Variants in EHD3 observed in about 807,000 individuals in gnomAD.
EHD3 encodes EH domain containing 3.
Under a neutral mutation model 43.0 loss-of-function variants are expected in EHD3, and 17 were observed. The observed-to-expected ratio is 0.40, with a 90% CI of 0.27 to 0.59. The LOEUF (loss-of-function observed/expected upper bound fraction) is 0.59. EHD3 is among the 20% of genes least tolerant of loss of function. The pLI is 0.49. For synonymous variants in EHD3, 313 were observed against 289.5 expected, an observed-to-expected ratio of 1.08 and a Z score of -0.82; for missense variants, 594 against 705.6, an observed-to-expected ratio of 0.84 and a Z score of 1.79.
chr2:31,243,452 CTT>C (rs1266371746), intron 1 of EHD3, among the ~76,000 whole-genome samples: 2 of 34,820 alleles, frequency 5.7e-5, no homozygotes, highest in Admixed American at 4.2e-4. Flanking sequence ...TTCTTTCTTT[CTT>C]TCTTTCTTTT....
chr2:31,234,489 G>A lies in EHD3; in HGVS notation c.-133G>A, dbSNP rs1285327709. 1 of 1,008,722 alleles carries A rather than the reference G, an allele frequency of 9.9e-7. No homozygotes were observed. Among genetic ancestry groups the A allele is most frequent in the South Asian group, 1.6e-5 (1 of 62,612 alleles). 62.5% of individuals were successfully genotyped at this position (1,008,722 alleles called of 1,614,324 possible). A position where few individuals can be genotyped will look rare whatever the true frequency, so the allele number is the denominator to read the frequency against. On this transcript the variant is annotated 5_prime_UTR_variant, in exon 1 of 6. An upstream start codon of the reference 5' UTR is lost. Coordinates refer to ENST00000322054, the MANE Select transcript of EHD3 (RefSeq NM_014600.3). ...CCTCCTAGCCGCGTGCCCGGGCCAT[G>A]GTGCGGCTGAGCCCCGCGCTTGGGT...
intron 1 of EHD3, among the ~76,000 whole-genome samples, chr2:31,240,964 A>G (rs934953490): frequency 2.0e-5 from 3 of 152,196 alleles, no homozygotes; most frequent in African/African-American, 4.8e-5. Context: ...GGGTTTCCCA[A>G]TCAGGGTGGA....
chr2:31,253,246 C>CCCCACACA (rs1553403505), intron 3 of EHD3, among the ~76,000 whole-genome samples: 2 of 142,014 alleles, frequency 1.4e-5, no homozygotes, highest in African/African-American at 5.3e-5. Flanking sequence ...CAACCCCCTC[C>CCCCACACA]CACACACACA....
chr2:31,260,517 C>T lies in EHD3; in HGVS notation c.510C>T (p.Asp170=), dbSNP rs1683830666. The T allele has an allele frequency of 4.4e-6, 7 of 1,601,364 alleles. No homozygotes were observed. The highest frequency in any genetic ancestry group is 5.1e-6 in the Non-Finnish European group (6 of 1,171,588). ...GEKQRISRGY[D]FAAVLEWFAE... ...TTGTCCCTCTGCCGGCAGGGTATGA[C>T]TTTGCAGCTGTCCTTGAGTGGTTTG... is the stretch of plus-strand genomic sequence containing the variant. The change falls in exon 4 of 6, where the codon GAC becomes GAT. Residue 170 remains aspartate (D), a synonymous_variant. Coordinates refer to ENST00000322054, the MANE Select transcript of EHD3 (RefSeq NM_014600.3). The surrounding 1 kb of genome is among the most constrained non-coding windows in gnomAD (Gnocchi z 4.6).
At chr2:31,256,821 C>T (rs1300076589) in intron 3 of EHD3, among the ~76,000 whole-genome samples, 1 of 152,226 alleles carries the variant, frequency 6.6e-6, no homozygotes, top group Non-Finnish European at 1.5e-5. Context: ...GGAGGCGTGG[C>T]TACAGTGCAA....
chr2:31,237,063 T>C (rs958259595), intron 1 of EHD3, among the ~76,000 whole-genome samples: 4 of 152,222 alleles, frequency 2.6e-5, no homozygotes, highest in African/African-American at 9.6e-5. Context: ...ATTTAGCTCA[T>C]GCGTCAAAAG....
At chr2:31,261,843 TGG>T in intron 5 of EHD3, 130 bp downstream of exon 5, 2 of 1,005,830 alleles carry the variant, frequency 2.0e-6, no homozygotes, top group Non-Finnish European at 1.3e-6. Context: ...GGCAAGGAGG[TGG>T]CCCTGGATCT....
At chr2:31,243,929 C>A (rs1334375663) in intron 1 of EHD3, among the ~76,000 whole-genome samples, 1 of 152,174 alleles carries the variant, frequency 6.6e-6, no homozygotes, top group Non-Finnish European at 1.5e-5. Flanking sequence ...AGGTTACCTT[C>A]AGTTATGGAG....
intron 3 of EHD3, among the ~76,000 whole-genome samples, chr2:31,258,039 C>T (rs191434234): frequency 1.6e-4 from 24 of 152,264 alleles, no homozygotes; most frequent in East Asian, 7.7e-4. Flanking sequence ...CATAGGTCTA[C>T]GCCACAGGAG....
intron 5 of EHD3, among the ~76,000 whole-genome samples, chr2:31,263,127 T>A (rs963347942): frequency 2.0e-5 from 3 of 152,216 alleles, no homozygotes; most frequent in Admixed American, 6.5e-5. Context: ...TTCCAAGTAT[T>A]TGGAATTTGT....
At chr2:31,243,460 C>CTTTCTTTCTTTCTTTTTTTTTTT (rs1553402472) in intron 1 of EHD3, among the ~76,000 whole-genome samples, 1 of 98,464 alleles carries the variant, frequency 1.0e-5, no homozygotes, top group African/African-American at 4.6e-5. Flanking sequence ...TTCTTTCTTT[C>CTTTCTTTCTTTCTTTTTTTTTTT]TTTTTTTTTT....
intron 1 of EHD3, among the ~76,000 whole-genome samples, chr2:31,236,360 A>G (rs1255367115): frequency 6.6e-6 from 1 of 152,242 alleles, no homozygotes; most frequent in Non-Finnish European, 1.5e-5. Context: ...AAACTAATCC[A>G]TTGCTTCTTA....
chr2:31,236,045 C>T (rs1683318549), intron 1 of EHD3, among the ~76,000 whole-genome samples: 1 of 152,220 alleles, frequency 6.6e-6, no homozygotes, highest in East Asian at 1.9e-4. Flanking sequence ...TGAGCATCCA[C>T]AGCATGTGAA....
chr2:31,262,870 G>C (rs916945354), intron 5 of EHD3, among the ~76,000 whole-genome samples: 5 of 151,518 alleles, frequency 3.3e-5, no homozygotes, highest in African/African-American at 1.2e-4. Context: ...AGCCAAGATT[G>C]TGCCACTGCA....
chr2:31,247,042 A>G (rs949085457), intron 2 of EHD3, among the ~76,000 whole-genome samples: 2 of 152,114 alleles, frequency 1.3e-5, no homozygotes. Flanking sequence ...GGTTACAGGC[A>G]TGCGCCACCA....
rs757561609 is a variant in EHD3, at chr2:31,260,679, C to T, written c.672C>T (p.Ile224=). The T allele has an allele frequency of 2.8e-5, 46 of 1,614,088 alleles. No homozygotes were observed. The highest frequency in any genetic ancestry group is 3.3e-5 in the Non-Finnish European group (39 of 1,180,038). The change falls in exon 4 of 6, where the codon ATC becomes ATT. Residue 224 remains isoleucine, a synonymous_variant. Coordinates refer to ENST00000322054, the MANE Select transcript of EHD3 (RefSeq NM_014600.3). This position sits in a 1 kb window ranked among gnomAD's most constrained non-coding sequence, Gnocchi z 4.6. ...TGGTGCTGAACAAAGCTGACCAGATCGAGACGCAGCAGCTGATGCGGGTGT... is the reference window on the plus strand; with the variant it reads ...TGGTGCTGAACAAAGCTGACCAGATTGAGACGCAGCAGCTGATGCGGGTGT... ...MRVVLNKADQ[I]ETQQLMRVYG... is the part of the protein sequence containing the mutation.
intron 5 of EHD3, among the ~76,000 whole-genome samples, chr2:31,263,362 T>C (rs1363066114): frequency 6.6e-6 from 1 of 152,246 alleles, no homozygotes; most frequent in Non-Finnish European, 1.5e-5. Context: ...AAACAAAGAT[T>C]CTCACCTCAT....
At chr2:31,259,722 G>C (rs1483008730) in intron 3 of EHD3, among the ~76,000 whole-genome samples, 4 of 152,172 alleles carry the variant, frequency 2.6e-5, no homozygotes, top group Non-Finnish European at 5.9e-5. Context: ...TGACAGGCAT[G>C]GTCTGAACCA....
In EHD3 at chr2:31,266,702, T is replaced by G; in HGVS notation, c.1606T>G (p.Ter536GlyextTer40). Reference protein sequence around the residue: ...LPPSKRKVAE* With the variant: ...LPPSKRKVAEG ...CCCGTCCAAGAGGAAAGTTGCCGAG[T>G]GATGGGGTGGGGGGACATTCAGACG... is the stretch of plus-strand genomic sequence containing the variant. The change falls in exon 6 of 6, where the codon TGA (stop) becomes GGA (glycine). Residue 536 changes from the stop codon to glycine (G), a stop_lost. Transcript: ENST00000322054. This position sits in a 1 kb window ranked among gnomAD's most constrained non-coding sequence, Gnocchi z 5.1. 6.3e-7 allele frequency: 1 copy of G among 1,596,016 alleles called. No homozygotes were observed. The highest frequency in any genetic ancestry group is 8.5e-7 in the Non-Finnish European group (1 of 1,171,034).
Sources: allele counts gnomAD v4.1 joint callset (sites outside exome capture counted in the v4.1 genomes callset), GRCh38; gene constraint gnomAD v4.1.1; non-coding constraint Gnocchi (gnomAD v3.1); transcripts MANE v1.5; gene names NCBI Gene and HGNC (gene_info 2026-07-23, HGNC 2026-07-21).